The following GMDS variants were observed in gnomAD, a reference collection of about 807,000 sequenced individuals.
GMDS encodes the protein GDP-mannose 4,6-dehydratase.
GMDS carries 20 observed loss-of-function variants against 49.9 expected under a neutral mutation model. The ratio of observed to expected loss-of-function variants is 0.40; its 90% CI spans 0.28 to 0.58. The LOEUF (loss-of-function observed/expected upper bound fraction) is 0.58. GMDS is among the 20% of genes least tolerant of loss of function. The pLI is 0.42. For missense variants in GMDS, 362 were observed against 481.4 expected (o/e 0.75, Z 2.32); for synonymous variants, 177 against 178.6 (o/e 0.99, Z 0.07).
chr6:1,830,072 T>A (rs955420845), intron 7 of GMDS, among the ~76,000 whole-genome samples: 6 of 152,230 alleles, frequency 3.9e-5, no homozygotes, highest in South Asian at 2.1e-4. Context: ...GTGGCTTTTT[T>A]ATTTAAATTT....
chr6:2,169,898 G>C lies in GMDS; in HGVS notation c.103-45167C>G, dbSNP rs190593667. On this transcript the variant is annotated intron_variant, in intron 1 of 10. Transcript: ENST00000380815. ...TGGGCTGATTCAGAAGGTGCTATCT[G>C]GTGGTATATTAGAAAAGAGGACTGG... is the stretch of plus-strand genomic sequence containing the variant. Among the ~76,000 whole-genome samples, 631 of 151,960 alleles carry C rather than the reference G, an allele frequency of 4.2e-3. 7 individuals are homozygous for C. The highest frequency in any genetic ancestry group is 4.9e-3 in the Admixed American group (75 of 15,272).
At position 2,161,152 on chromosome 6, in the gene GMDS, C is replaced by A. The variant is rs566812378; in HGVS notation, c.103-36421G>T. The stretch of plus-strand genomic sequence containing the variant: ...TCAGCCTCCCAAGTAGCTGGGACTA[C>A]GGGCACACCATCACGCCCAGCTAAT... On this transcript the variant is annotated intron_variant, in intron 1 of 10. Coordinates refer to ENST00000380815, the MANE Select transcript of GMDS (RefSeq NM_001500.4). Among the ~76,000 whole-genome samples, 202 of 152,014 alleles carry A rather than the reference C, an allele frequency of 1.3e-3. 2 individuals are homozygous for A. The highest frequency in any genetic ancestry group is 2.6e-4 in the Non-Finnish European group (18 of 67,974).
At chr6:1,988,518 G>A (rs1020451185) in intron 4 of GMDS, among the ~76,000 whole-genome samples, 2 of 152,020 alleles carry the variant, frequency 1.3e-5, no homozygotes, top group African/African-American at 2.4e-5. Flanking sequence ...GCTCCAATTT[G>A]GGCTCCCTAT....
In GMDS at chr6:1,883,951, C is replaced by T. The variant is rs551449455; in HGVS notation, c.771+46152G>A. 2.3e-4 allele frequency among the ~76,000 whole-genome samples: 35 copies of T among 152,198 alleles called. 1 individual carries two copies. In the South Asian group the frequency reaches 7.3e-3, roughly 32 times the overall value. The stretch of plus-strand genomic sequence containing the variant: ...ACAAAATTTATTACCTAGTTTTAAT[C>T]CCAGTTCATTTAGAATAGATGGACA... On this transcript the variant is annotated intron_variant, in intron 7 of 10. Transcript: ENST00000380815.
At chr6:1,677,367 C>T (rs1264676952) in intron 9 of GMDS, among the ~76,000 whole-genome samples, 1 of 152,150 alleles carries the variant, frequency 6.6e-6, no homozygotes, top group African/African-American at 2.4e-5. Flanking sequence ...ACTAGTTCAA[C>T]CATTGTGGAA....
At chr6:1,675,581 G>A (rs1456684123) in intron 9 of GMDS, among the ~76,000 whole-genome samples, 2 of 152,076 alleles carry the variant, frequency 1.3e-5, no homozygotes, top group African/African-American at 2.4e-5. Flanking sequence ...GGCTGGGTGC[G>A]GTGGCTCATG....
At chr6:2,027,240 C>A (rs1301026034) in intron 4 of GMDS, among the ~76,000 whole-genome samples, 1 of 152,122 alleles carries the variant, frequency 6.6e-6, no homozygotes, top group East Asian at 1.9e-4. Context: ...GGAGCGAACA[C>A]ATTTTGGGCA....
chr6:1,760,508 G>A (rs934554667), intron 7 of GMDS, among the ~76,000 whole-genome samples: 2 of 152,146 alleles, frequency 1.3e-5, no homozygotes, highest in African/African-American at 4.8e-5. Flanking sequence ...AGAGGAGGAG[G>A]AGTACTCAGG....
intron 4 of GMDS, among the ~76,000 whole-genome samples, chr6:2,010,681 A>C (rs1254010796): frequency 6.6e-6 from 1 of 152,192 alleles, no homozygotes; most frequent in Admixed American, 6.5e-5. Context: ...AAAAACTTCC[A>C]TCTATGTAAA....
intron 1 of GMDS, among the ~76,000 whole-genome samples, chr6:2,210,653 G>A (rs1215049772): frequency 6.6e-6 from 1 of 152,162 alleles, no homozygotes; most frequent in Non-Finnish European, 1.5e-5. Context: ...CCAAGGTGGG[G>A]TAAGAGACAG....
intron 4 of GMDS, among the ~76,000 whole-genome samples, chr6:2,032,835 A>G (rs1420060681): frequency 6.6e-6 from 1 of 152,162 alleles, no homozygotes; most frequent in African/African-American, 2.4e-5. Context: ...TTGGAATACA[A>G]CCTGTGGTGA....
At chr6:1,628,124 T>C (rs1006883) in intron 9 of GMDS, among the ~76,000 whole-genome samples, 51,652 of 152,230 alleles carry the variant, frequency 0.34, 10,525 homozygotes, top group East Asian at 0.74. Flanking sequence ...AGGGCATGTT[T>C]GGCTGCAGCC....
chr6:1,818,039 T>C (rs1770740607), intron 7 of GMDS, among the ~76,000 whole-genome samples: 1 of 152,174 alleles, frequency 6.6e-6, no homozygotes, highest in African/African-American at 2.4e-5. Context: ...CCATAATCAC[T>C]AGCCCACCTG....
At chr6:2,000,029 C>CTA (rs1387130250) in intron 4 of GMDS, among the ~76,000 whole-genome samples, 1 of 8,050 alleles carries the variant, frequency 1.2e-4, no homozygotes, top group Non-Finnish European at 3.1e-4. Flanking sequence ...ATATATATAT[C>CTA]TATATCTTTT....
At chr6:2,003,919 T>C (rs777341671) in intron 4 of GMDS, among the ~76,000 whole-genome samples, 1 of 152,160 alleles carries the variant, frequency 6.6e-6, no homozygotes, top group Non-Finnish European at 1.5e-5. Flanking sequence ...AGATCCAATG[T>C]AGGTAATTAC....
At chr6:1,638,967 A>G (rs1476890745) in intron 9 of GMDS, among the ~76,000 whole-genome samples, 2 of 152,162 alleles carry the variant, frequency 1.3e-5, no homozygotes, top group Non-Finnish European at 1.5e-5. Context: ...AAATCTTCTT[A>G]TTCCATCCTG....
At chr6:1,722,260 A>ATTATTATTATTCTTATTATTT (rs59203891) in intron 9 of GMDS, among the ~76,000 whole-genome samples, 1 of 140,860 alleles carries the variant, frequency 7.1e-6, no homozygotes, top group Non-Finnish European at 1.5e-5. Context: ...TAGTAGTAGT[A>ATTATTATTATTCTTATTATTT]GTATTTTTAG....
chr6:1,939,052 T>C (rs990516544), intron 6 of GMDS, among the ~76,000 whole-genome samples: 1 of 150,422 alleles, frequency 6.6e-6, no homozygotes, highest in Non-Finnish European at 1.5e-5. Context: ...AAAGTTCTCT[T>C]TGGTTCTTTT....
At chr6:2,084,663 C>G (rs566845828) in intron 4 of GMDS, among the ~76,000 whole-genome samples, 2 of 152,018 alleles carry the variant, frequency 1.3e-5, no homozygotes, top group African/African-American at 4.8e-5. Context: ...CCCGCCACCA[C>G]GCCCGGCTAA....
Sources: gnomAD v4.1 joint callset for allele counts (sites outside exome capture counted in the v4.1 genomes callset) on GRCh38, gnomAD v4.1.1 for gene constraint, MANE v1.5 for transcripts, NCBI Gene and HGNC (gene_info 2026-07-23, HGNC 2026-07-21) for gene names.